IL17RD: variants seen among roughly 807,000 people sequenced by gnomAD.
The protein encoded by IL17RD is interleukin-17 receptor D.
IL17RD carries 52 observed loss-of-function variants against 80.5 expected under a neutral mutation model. The observed-to-expected ratio is 0.65, with a 90% CI of 0.52 to 0.81. The LOEUF (loss-of-function observed/expected upper bound fraction) is 0.81. Among genes scored for constraint, IL17RD ranks in the 40% least tolerant of loss-of-function variants. The probability of loss-of-function intolerance (pLI) is 0.00; values close to 1 mark genes in which losing one functional copy is unlikely to be tolerated. For missense variants in IL17RD, 1,024 were observed against 955.1 expected, an observed-to-expected ratio of 1.07 and a Z score of -0.95; for synonymous variants, 416 against 391.8, an observed-to-expected ratio of 1.06 and a Z score of -0.73.
Position 57,093,711 on chromosome 3 carries a change from G to A in IL17RD, c.*2682C>T, listed in dbSNP as rs1368460398. 6.6e-6 allele frequency: 1 copy of A among 152,206 alleles called. No individual in the cohort carries two copies. The highest frequency in any genetic ancestry group is 2.4e-5 in the African/African-American group (1 of 41,440). 9.4% of individuals were successfully genotyped at this position (152,206 alleles called of 1,614,324 possible). ...CTTTGGCACCTTGTATGGCTGGGCTGAGTCTGTTGAGGTGGTCTCTGTTGA... is the reference window on the plus strand; with the variant it reads ...CTTTGGCACCTTGTATGGCTGGGCTAAGTCTGTTGAGGTGGTCTCTGTTGA... On this transcript the variant is annotated 3_prime_UTR_variant, in exon 13 of 13. Transcript: ENST00000296318.
chr3:57,091,120 C>T lies in IL17RD; in HGVS notation c.*5273G>A, dbSNP rs1402612730. 1 of 152,558 alleles carries T rather than the reference C, an allele frequency of 6.6e-6. No individual in the cohort carries two copies. Among genetic ancestry groups the T allele is most frequent in the East Asian group, 1.9e-4 (1 of 5,196 alleles). 9.5% of individuals were successfully genotyped at this position (152,558 alleles called of 1,614,324 possible). A position where few individuals can be genotyped will look rare whatever the true frequency, so the allele number is the denominator to read the frequency against. On this transcript the variant is annotated 3_prime_UTR_variant, in exon 13 of 13. Coordinates refer to ENST00000296318, the MANE Select transcript of IL17RD (RefSeq NM_017563.5). ...TTAGCAACTACTGCTGTTACCACAC[C>T]AGTGGTTAAACTGAAGTCTGTACCA... is the stretch of plus-strand genomic sequence containing the variant.
At chr3:57,159,899 C>T (rs1430555860) in intron 1 of IL17RD, among the ~76,000 whole-genome samples, 2 of 152,138 alleles carry the variant, frequency 1.3e-5, no homozygotes, top group Non-Finnish European at 2.9e-5. Flanking sequence ...GGGCCAGGCA[C>T]GGTGGCTCAC....
chr3:57,119,805 A>C (rs1707294907), intron 2 of IL17RD, among the ~76,000 whole-genome samples: 1 of 152,198 alleles, frequency 6.6e-6, no homozygotes, highest in African/African-American at 2.4e-5. Context: ...CTTGGAAATC[A>C]ATTTGCTACC....
intron 1 of IL17RD, among the ~76,000 whole-genome samples, chr3:57,163,803 A>AGGGGGGGGGGGGGGGGG (rs1401715931): frequency 1.1e-3 from 6 of 5,552 alleles, no homozygotes; most frequent in East Asian, 4.9e-3. Context: ...CGGGGGGGGA[A>AGGGGGGGGGGGGGGGGG]GGGGGTGGCG....
intron 1 of IL17RD, among the ~76,000 whole-genome samples, chr3:57,132,706 A>G (rs934019151): frequency 2.6e-5 from 4 of 152,236 alleles, no homozygotes; most frequent in Admixed American, 6.5e-5. Flanking sequence ...CCATCAAGAC[A>G]GAGGTATCTA....
At chr3:57,122,958 G>GT (rs1707373250) in intron 1 of IL17RD, among the ~76,000 whole-genome samples, 1 of 151,424 alleles carries the variant, frequency 6.6e-6, no homozygotes, top group African/African-American at 2.4e-5. Flanking sequence ...ATATTTGTTT[G>GT]TTTGTTTCCT....
In IL17RD at chr3:57,092,753, G is replaced by T. The variant is rs538089050; in HGVS notation, c.*3640C>A. On this transcript the variant is annotated 3_prime_UTR_variant, in exon 13 of 13. Coordinates refer to ENST00000296318, the MANE Select transcript of IL17RD (RefSeq NM_017563.5). ...TCAGAATCACGTCAAATTTCTTTGCGGGGGAGACTGGAGAAAGAAGCAATC... is the reference window on the plus strand; with the variant it reads ...TCAGAATCACGTCAAATTTCTTTGCTGGGGAGACTGGAGAAAGAAGCAATC... The T allele has an allele frequency of 6.6e-6, 1 of 152,234 alleles. No homozygotes were observed. Among genetic ancestry groups the T allele is most frequent in the South Asian group, 2.1e-4 (1 of 4,826 alleles). The allele number at this position is 152,234 out of a possible 1,614,324, so 9.4% of individuals were successfully genotyped here. A position where few individuals can be genotyped will look rare whatever the true frequency, so the allele number is the denominator to read the frequency against.
chr3:57,144,686 A>G (rs1204521325), intron 1 of IL17RD, among the ~76,000 whole-genome samples: 2 of 151,334 alleles, frequency 1.3e-5, no homozygotes, highest in African/African-American at 4.9e-5. Context: ...TACTAAAACA[A>G]TGCCACGTCA....
At chr3:57,101,865 CTG>C (rs1339029003) in intron 10 of IL17RD, among the ~76,000 whole-genome samples, 2 of 152,258 alleles carry the variant, frequency 1.3e-5, no homozygotes. Flanking sequence ...CCTCAGAAGG[CTG>C]TCTCATGGTG....
intron 1 of IL17RD, among the ~76,000 whole-genome samples, chr3:57,130,705 T>TA (rs930945806): frequency 9.2e-5 from 14 of 152,290 alleles, no homozygotes; most frequent in Non-Finnish European, 1.9e-4. Flanking sequence ...CTCACGGTGT[T>TA]ACCTCCTGAT....
intron 1 of IL17RD, among the ~76,000 whole-genome samples, chr3:57,136,711 CCTT>C (rs1023849697): frequency 6.7e-6 from 1 of 148,368 alleles, no homozygotes; most frequent in South Asian, 2.1e-4. Context: ...AGGATTCTCT[CCTT>C]CTCATTTATC....
At chr3:57,101,868 T>C (rs1373777071) in intron 10 of IL17RD, among the ~76,000 whole-genome samples, 1 of 152,222 alleles carries the variant, frequency 6.6e-6, no homozygotes, top group African/African-American at 2.4e-5. Context: ...CAGAAGGCTG[T>C]CTCATGGTGA....
intron 1 of IL17RD, among the ~76,000 whole-genome samples, chr3:57,163,676 A>C (rs925608706): frequency 6.6e-6 from 1 of 151,992 alleles, no homozygotes; most frequent in Non-Finnish European, 1.5e-5. Context: ...TAGCTACTAA[A>C]ATTTTTTTAA....
At chr3:57,154,112 G>C (rs1019664300) in intron 1 of IL17RD, among the ~76,000 whole-genome samples, 4 of 151,772 alleles carry the variant, frequency 2.6e-5, no homozygotes, top group Admixed American at 2.6e-4. Flanking sequence ...AGCCAAGCTT[G>C]GCGGCACACG....
intron 1 of IL17RD, among the ~76,000 whole-genome samples, chr3:57,145,925 A>AT (rs938066308): frequency 3.9e-5 from 6 of 151,952 alleles, no homozygotes; most frequent in African/African-American, 9.7e-5. Context: ...CAAGATCGGG[A>AT]TTTTTTTTAA....
chr3:57,141,560 CATTA>C (rs1193016711), intron 1 of IL17RD, among the ~76,000 whole-genome samples: 20 of 152,180 alleles, frequency 1.3e-4, no homozygotes, highest in African/African-American at 4.1e-4. Context: ...GATTATTAAA[CATTA>C]ATTATTTGTC....
intron 3 of IL17RD, among the ~76,000 whole-genome samples, chr3:57,113,952 G>A (rs1047987527): frequency 4.6e-5 from 7 of 151,840 alleles, no homozygotes; most frequent in South Asian, 4.2e-4. Flanking sequence ...TTTGGAGGCC[G>A]AGGCGGGCGG....
upstream of IL17RD, among the ~76,000 whole-genome samples, chr3:57,166,193 A>T (rs2060347445): frequency 6.6e-6 from 1 of 152,154 alleles, no homozygotes; most frequent in Non-Finnish European, 1.5e-5. Context: ...TTTGCCTTTT[A>T]TCTGAGCACC....
In IL17RD at chr3:57,097,711, G is replaced by C. The variant is rs1163199516; in HGVS notation, c.1992C>G (p.Ile664Met). 3.1e-6 allele frequency: 5 copies of C among 1,605,350 alleles called. No individual in the cohort carries two copies. In the South Asian group the frequency reaches 5.6e-5, roughly 18 times the overall value. The change falls in exon 12 of 13, where the codon ATC becomes ATG. Residue 664 changes from isoleucine to methionine, a missense_variant. By Grantham distance (10) the Ile-to-Met change is conservative. Coordinates refer to ENST00000296318, the MANE Select transcript of IL17RD (RefSeq NM_017563.5). Reference sequence around the variant, plus strand: ...CGGATGAGGGCACAGACGAGTCATAGATGCCTGAGTCCCGCGGCATGTCCG... The same window carrying C: ...CGGATGAGGGCACAGACGAGTCATACATGCCTGAGTCCCGCGGCATGTCCG... ...SPSDMPRDSG[I>M]YDSSVPSSEL...
Sources: allele counts gnomAD v4.1 joint callset (sites outside exome capture counted in the v4.1 genomes callset), GRCh38; gene constraint gnomAD v4.1.1; transcripts MANE v1.5; gene names NCBI Gene and HGNC (gene_info 2026-07-23, HGNC 2026-07-21).